The following WWOX variants were observed in gnomAD, a reference collection of about 807,000 sequenced individuals.
WWOX encodes the protein WW domain-containing oxidoreductase.
A neutral mutation model predicts 46.2 loss-of-function variants in WWOX; 69 were observed. That is an observed-to-expected ratio of 1.49 (90% confidence interval 1.23 to 1.82). The LOEUF is 1.82. WWOX is among the 40% of genes most tolerant of loss of function. WWOX has a pLI of 0.00. For missense variants in WWOX, 919 were observed against 542.6 expected (o/e 1.69, Z -6.89); for synonymous variants, 359 against 202.6 (o/e 1.77, Z -6.56).
intron 1 of WWOX, among the ~76,000 whole-genome samples, chr16:78,101,053 T>C (rs1285584474): frequency 1.3e-5 from 2 of 151,942 alleles, no homozygotes; most frequent in Non-Finnish European, 1.5e-5. Flanking sequence ...TTTTTCTTTT[T>C]TTTTTTTCTT....
intron 8 of WWOX, among the ~76,000 whole-genome samples, chr16:78,835,671 A>C (rs1275747812): frequency 6.6e-6 from 1 of 152,254 alleles, no homozygotes; most frequent in Non-Finnish European, 1.5e-5. Flanking sequence ...CTAAGAACAC[A>C]CAGCAGTTCT....
intron 5 of WWOX, among the ~76,000 whole-genome samples, chr16:78,314,687 G>GTTTTT (rs1567494414): frequency 1.1e-5 from 1 of 92,058 alleles, no homozygotes; most frequent in African/African-American, 6.1e-5. Flanking sequence ...ACCCTGCAGG[G>GTTTTT]GTTTTTTTTT....
intron 5 of WWOX, among the ~76,000 whole-genome samples, chr16:78,261,910 G>T (rs1215275947): frequency 1.5e-4 from 22 of 150,244 alleles, no homozygotes; most frequent in Non-Finnish European, 2.7e-4. Context: ...GACTGTGTAA[G>T]TTAAATTTTA....
chr16:78,879,911 A>G (rs189338092), intron 8 of WWOX, among the ~76,000 whole-genome samples: 14 of 152,102 alleles, frequency 9.2e-5, no homozygotes, highest in African/African-American at 3.4e-4. Flanking sequence ...AGTAATTCCT[A>G]ACAGTCTGGA....
intron 5 of WWOX, among the ~76,000 whole-genome samples, chr16:78,362,296 G>A (rs1286254086): frequency 6.6e-6 from 1 of 151,976 alleles, no homozygotes; most frequent in Admixed American, 6.6e-5. Flanking sequence ...AGGTGATGAT[G>A]GGTATGTGAA....
chr16:78,578,718 C>T (rs150571185), intron 8 of WWOX, among the ~76,000 whole-genome samples: 2 of 152,198 alleles, frequency 1.3e-5, no homozygotes, highest in East Asian at 3.9e-4. Flanking sequence ...GGAAAAAGAT[C>T]AATATGATGC....
chr16:78,405,118 A>T (rs970315001), intron 6 of WWOX, among the ~76,000 whole-genome samples: 2 of 152,180 alleles, frequency 1.3e-5, no homozygotes, highest in Non-Finnish European at 2.9e-5. Flanking sequence ...AATGGACATG[A>T]GGCAAAAATT....
At chr16:78,156,999 C>G (rs1008940819) in intron 4 of WWOX, among the ~76,000 whole-genome samples, 26 of 152,150 alleles carry the variant, frequency 1.7e-4, no homozygotes, top group African/African-American at 6.3e-4. Context: ...GATGCTTTCT[C>G]AATCTGTTAA....
At chr16:78,524,286 T>A (rs1010099511) in intron 8 of WWOX, among the ~76,000 whole-genome samples, 1 of 152,222 alleles carries the variant, frequency 6.6e-6, no homozygotes, top group African/African-American at 2.4e-5. Context: ...TGAGCAATAC[T>A]CTTTTTTTGT....
intron 8 of WWOX, among the ~76,000 whole-genome samples, chr16:78,448,023 T>C (rs1035739008): frequency 6.6e-6 from 1 of 152,060 alleles, no homozygotes; most frequent in Non-Finnish European, 1.5e-5. Context: ...CAGCTGGTCT[T>C]GAACTCCTGA....
intron 5 of WWOX, among the ~76,000 whole-genome samples, chr16:78,307,974 A>T (rs1272879961): frequency 6.6e-6 from 1 of 152,302 alleles, no homozygotes; most frequent in South Asian, 2.1e-4. Flanking sequence ...CATGTGTGAC[A>T]CTCTGGAATG....
chr16:78,643,318 A>G (rs563048948), intron 8 of WWOX, among the ~76,000 whole-genome samples: 2 of 152,324 alleles, frequency 1.3e-5, no homozygotes, highest in Admixed American at 6.5e-5. Flanking sequence ...CAACAAAATC[A>G]ACCGTGACAA....
At chr16:78,283,318 C>G (rs905668621) in intron 5 of WWOX, among the ~76,000 whole-genome samples, 9 of 152,112 alleles carry the variant, frequency 5.9e-5, no homozygotes, top group Non-Finnish European at 1.3e-4. Flanking sequence ...GACCTGCTCC[C>G]CACTCCACAC....
At chr16:78,320,438 C>G (rs1247711101) in intron 5 of WWOX, among the ~76,000 whole-genome samples, 1 of 152,150 alleles carries the variant, frequency 6.6e-6, no homozygotes. Context: ...ACACATTGTG[C>G]ATTTGTTTTT....
intron 5 of WWOX, among the ~76,000 whole-genome samples, chr16:78,258,867 T>TA (rs1331952703): frequency 6.6e-6 from 1 of 152,136 alleles, no homozygotes; most frequent in African/African-American, 2.4e-5. Context: ...CATAACGACT[T>TA]GCCTCATTAT....
chr16:79,210,415 A>G (rs184566520), intron 8 of WWOX, among the ~76,000 whole-genome samples: 1 of 152,204 alleles, frequency 6.6e-6, no homozygotes, highest in Non-Finnish European at 1.5e-5. Context: ...AGCACCCTGC[A>G]TGGTCACAAT....
intron 8 of WWOX, among the ~76,000 whole-genome samples, chr16:78,528,937 T>C (rs2859638): frequency 6.6e-6 from 1 of 150,792 alleles, no homozygotes. Context: ...CTTTCCTTTT[T>C]CTTTTCTTTT....
chr16:78,877,752 A>T (rs2044263355), intron 8 of WWOX, among the ~76,000 whole-genome samples: 1 of 152,200 alleles, frequency 6.6e-6, no homozygotes, highest in Non-Finnish European at 1.5e-5. Flanking sequence ...AAGGCTTAGC[A>T]CGTGGAAGAC....
intron 5 of WWOX, among the ~76,000 whole-genome samples, chr16:78,309,292 C>A (rs1413861927): frequency 4.6e-5 from 7 of 152,190 alleles, no homozygotes; most frequent in Non-Finnish European, 7.3e-5. Context: ...CTGCTTCCTG[C>A]CGCTTTGTGA....
Sources: gnomAD v4.1 joint callset for allele counts (sites outside exome capture counted in the v4.1 genomes callset) on GRCh38, gnomAD v4.1.1 for gene constraint, MANE v1.5 for transcripts, NCBI Gene and HGNC (gene_info 2026-07-23, HGNC 2026-07-21) for gene names.